The following SLC38A8 variants were observed in gnomAD, a reference collection of about 807,000 sequenced individuals.
The protein encoded by SLC38A8 is solute carrier family 38 member 8, also known as amino acid transporter SLC38A8.
SLC38A8 carries 65 observed loss-of-function variants against 46.0 expected under a neutral mutation model. The ratio of observed to expected loss-of-function variants is 1.41; its 90% CI spans 1.16 to 1.74. SLC38A8 has a LOEUF of 1.74. Among genes scored for constraint, SLC38A8 ranks in the 40% most tolerant of loss-of-function variants. The probability of loss-of-function intolerance (pLI) is 0.00; values close to 1 mark genes in which losing one functional copy is unlikely to be tolerated. For missense variants in SLC38A8, 998 were observed against 567.9 expected (o/e 1.76, Z -7.70); for synonymous variants, 447 against 243.7 (o/e 1.83, Z -7.77).
chr16:84,029,664 C>T (rs2085214612), intron 5 of SLC38A8, 113 bp from the exon 6 acceptor site: 1 of 1,051,728 alleles, frequency 9.5e-7, no homozygotes, highest in Non-Finnish European at 1.4e-6. Flanking sequence ...AGCATGGCTG[C>T]AAGATGTATT....
In SLC38A8 at chr16:84,042,647, G is replaced by A. The variant is rs2085380735; in HGVS notation, c.-99C>T. 1 of 154,686 alleles carries A rather than the reference G, an allele frequency of 6.5e-6. No individual in the cohort carries two copies. The highest frequency in any genetic ancestry group is 2.4e-5 in the African/African-American group (1 of 41,492). The allele number at this position is 154,686 out of a possible 1,614,324, so 9.6% of individuals were successfully genotyped here. On this transcript the variant is annotated 5_prime_UTR_variant, in exon 1 of 11. Coordinates refer to ENST00000299709, the MANE Select transcript of SLC38A8 (RefSeq NM_001080442.3). Reference sequence around the variant, plus strand: ...GGCTCAGTTGCATTTCTTGGGGCCAGAGGGGTGGGAGAAGCAAGATTCGAG... The same window carrying A: ...GGCTCAGTTGCATTTCTTGGGGCCAAAGGGGTGGGAGAAGCAAGATTCGAG...
Position 84,035,688 on chromosome 16 carries a change from G to A in SLC38A8, c.388+1014C>T, listed in dbSNP as rs978231658. Among the ~76,000 whole-genome samples, 23 of 151,946 alleles carry A rather than the reference G, an allele frequency of 1.5e-4. 1 individual carries two copies. Among genetic ancestry groups the A allele is most frequent in the Admixed American group, 2.0e-4 (3 of 15,274 alleles). ...CTTCTATACAAACACTAGTCTTAAG[G>A]ATGCTAGAGTGCCTCTATTAATGGT... On this transcript the variant is annotated intron_variant, in intron 3 of 10. Transcript: ENST00000299709.
In SLC38A8 at chr16:84,036,889, G is replaced by C; in HGVS notation, c.201C>G (p.Val67=). ...PAFLVELVSL[V]FLISGLVILG... Reference sequence around the variant, plus strand: ...GGATGACCAGCCCGCTGATCAGGAAGACCAACGAGACCTGCGGAGAAGGAG... The same window carrying C: ...GGATGACCAGCCCGCTGATCAGGAACACCAACGAGACCTGCGGAGAAGGAG... The change falls in exon 3 of 11, where the codon GTC becomes GTG. Residue 67 remains valine (V), a synonymous_variant. Transcript: ENST00000299709. 2.5e-6 allele frequency: 4 copies of C among 1,611,892 alleles called. No individual in the cohort carries two copies. Among genetic ancestry groups the C allele is most frequent in the South Asian group, 2.2e-5 (2 of 90,902 alleles).
At chr16:84,027,313 G>A (rs2085175806) in intron 6 of SLC38A8, among the ~76,000 whole-genome samples, 1 of 150,742 alleles carries the variant, frequency 6.6e-6, no homozygotes, top group South Asian at 2.1e-4. Flanking sequence ...TCACACCACT[G>A]CACTCCAGCC....
chr16:84,018,039 C>A (rs1370906269), intron 7 of SLC38A8, among the ~76,000 whole-genome samples: 2 of 152,038 alleles, frequency 1.3e-5, no homozygotes, highest in African/African-American at 4.8e-5. Context: ...TTGTTGCTTA[C>A]AACAGAATAC....
chr16:84,042,887 C>T (rs957721136), upstream of SLC38A8, among the ~76,000 whole-genome samples: 1 of 152,160 alleles, frequency 6.6e-6, no homozygotes, highest in East Asian at 1.9e-4. Context: ...GTGGAGCTTT[C>T]TCAGCTGCCC....
At chr16:84,041,870 C>A in intron 2 of SLC38A8, 99 bp downstream of exon 2, 1 of 1,075,208 alleles carries the variant, frequency 9.3e-7, no homozygotes, top group Non-Finnish European at 1.3e-6. Context: ...CTATAGCTTA[C>A]AGGACACGCA....
intron 6 of SLC38A8, among the ~76,000 whole-genome samples, chr16:84,024,544 G>T (rs1027512153): frequency 1.3e-5 from 2 of 152,022 alleles, no homozygotes; most frequent in Non-Finnish European, 2.9e-5. Flanking sequence ...ACTTTGGGAG[G>T]CCAAGGCGTG....
chr16:84,013,166 G>C (rs1350491393), intron 9 of SLC38A8, 114 bp from the exon 10 acceptor site: 1 of 1,219,666 alleles, frequency 8.2e-7, no homozygotes, highest in Non-Finnish European at 1.2e-6. Flanking sequence ...CCGCCCATGG[G>C]TGCCCCTGGC....
intron 7 of SLC38A8, among the ~76,000 whole-genome samples, chr16:84,018,141 G>A (rs980076140): frequency 1.3e-5 from 2 of 151,834 alleles, no homozygotes; most frequent in African/African-American, 4.8e-5. Flanking sequence ...ACTGGTGAGG[G>A]CCTTCTTGCC....
At position 84,016,673 on chromosome 16, in the gene SLC38A8, G is replaced by A. The variant is rs372008597; in HGVS notation, c.1008C>T (p.Ser336=). ...RRSCLGGWGP[S]ALADPSGLWV... is the part of the protein sequence containing the mutation. ...ACAGCCCTGAGGGGTCGGCCAGGGC[G>A]CTGGGCCCCCATCCCCCCAAGCAGC... Residue 336 remains serine, a synonymous_variant, in exon 9 of 11, where the codon AGC becomes AGT. Transcript: ENST00000299709. The A allele has an allele frequency of 9.2e-5, 148 of 1,613,334 alleles. 1 individual carries two copies. Among genetic ancestry groups the A allele is most frequent in the Admixed American group, 5.0e-4 (30 of 59,996 alleles).
Position 84,034,988 on chromosome 16 carries a change from TC to T in SLC38A8, c.389-1520del, listed in dbSNP as rs375093606. 2.9e-3 allele frequency among the ~76,000 whole-genome samples: 445 copies of T among 152,236 alleles called. 1 individual carries two copies. The highest frequency in any genetic ancestry group is 0.023 in the South Asian group (109 of 4,814). ...ACTCCCCCAAGCACTCCAACCTCTATCTAGCACTCCGTCTCAGAAGCTTGGC... is the reference window on the plus strand; with the variant it reads ...ACTCCCCCAAGCACTCCAACCTCTATTAGCACTCCGTCTCAGAAGCTTGGC... On this transcript the variant is annotated intron_variant, in intron 3 of 10. Transcript: ENST00000299709.
At chr16:84,029,660 G>T (rs927466499) in intron 5 of SLC38A8, 109 bp from the exon 6 acceptor site, 1 of 1,062,436 alleles carries the variant, frequency 9.4e-7, no homozygotes, top group African/African-American at 1.6e-5. Flanking sequence ...ACAGAGCATG[G>T]CTGCAAGATG....
intron 6 of SLC38A8, among the ~76,000 whole-genome samples, chr16:84,023,406 T>C (rs2085119056): frequency 6.6e-6 from 1 of 152,110 alleles, no homozygotes; most frequent in African/African-American, 2.4e-5. Context: ...TAAAATTACT[T>C]TGCTAAGAAT....
intron 4 of SLC38A8, among the ~76,000 whole-genome samples, chr16:84,032,830 C>T (rs775775534): frequency 7.3e-6 from 1 of 136,602 alleles, no homozygotes; most frequent in African/African-American, 2.5e-5. Flanking sequence ...CACAAAAAAA[C>T]AACCTCTGTG....
chr16:84,032,929 C>CGTGGGTGTGCATGGGTGGGTGTGGGTAT (rs2085260623), intron 4 of SLC38A8, among the ~76,000 whole-genome samples: 1 of 41,928 alleles, frequency 2.4e-5, no homozygotes, highest in African/African-American at 1.5e-4. Context: ...GGTGTGGGTA[C>CGTGGGTGTGCATGGGTGGGTGTGGGTAT]GTGGGTGTGC....
rs776818841 is a variant in SLC38A8 at position 84,042,048 on chromosome 16, G to T, written c.110C>A (p.Ala37Glu). Residue 37 changes from alanine (A) to glutamate (E), a missense_variant, in exon 2 of 11, where the codon GCG (alanine) becomes GAG (glutamate). Physicochemically the swap from Ala to Glu is moderately radical, Grantham distance 107. Transcript: ENST00000299709. ...GAAGTTGAGCAGGCCAGCTCCCAGCGCGGACTTCATGAGGATGAAGACAGC... is the reference window on the plus strand; with the variant it reads ...GAAGTTGAGCAGGCCAGCTCCCAGCTCGGACTTCATGAGGATGAAGACAGC... ...MGAVFILMKS[A>E]LGAGLLNFPW... is the part of the protein sequence containing the mutation. The T allele has an allele frequency of 1.9e-6, 3 of 1,613,966 alleles. No homozygotes were observed. Among genetic ancestry groups the T allele is most frequent in the Non-Finnish European group, 2.5e-6 (3 of 1,179,996 alleles).
At chr16:84,014,942 G>C (rs1293259444) in intron 9 of SLC38A8, among the ~76,000 whole-genome samples, 4 of 132,678 alleles carry the variant, frequency 3.0e-5, no homozygotes, top group Non-Finnish European at 4.4e-5. Context: ...ACAATGTTTC[G>C]TTTCATGCCC....
chr16:84,025,592 C>G (rs1411935387), intron 6 of SLC38A8, among the ~76,000 whole-genome samples: 1 of 152,160 alleles, frequency 6.6e-6, no homozygotes, highest in African/African-American at 2.4e-5. Flanking sequence ...TGAATAAACA[C>G]TACAGGGCTT....
Sources: gnomAD v4.1 joint callset for allele counts (sites outside exome capture counted in the v4.1 genomes callset) on GRCh38, gnomAD v4.1.1 for gene constraint, MANE v1.5 for transcripts, NCBI Gene and HGNC (gene_info 2026-07-23, HGNC 2026-07-21) for gene names.